Variants in CSE1L observed in about 807,000 individuals in gnomAD.
CSE1L encodes exportin-2.
Under a neutral mutation model 120.4 loss-of-function variants are expected in CSE1L, and 24 were observed. The observed-to-expected ratio is 0.20, with a 90% CI of 0.14 to 0.28. The LOEUF (loss-of-function observed/expected upper bound fraction) is 0.28, where lower values mean the gene tolerates loss of function less well. Among genes scored for constraint, CSE1L ranks in the 10% least tolerant of loss-of-function variants. The pLI is 1.00. For synonymous variants in CSE1L, 402 were observed against 398.3 expected (o/e 1.01, Z -0.11); for missense variants, 830 against 1,145.2 (o/e 0.72, Z 3.97).
intron 1 of CSE1L, among the ~76,000 whole-genome samples, chr20:49,047,591 T>TTTTTTTTTTTTTTTTTTTG (rs2091728999): frequency 8.7e-6 from 1 of 114,866 alleles, no homozygotes; most frequent in African/African-American, 3.3e-5. Flanking sequence ...TTTTTTTTTT[T>TTTTTTTTTTTTTTTTTTTG]TGAGAGAGAG....
chr20:49,089,198 G>A (rs764139786), intron 17 of CSE1L, 49 bp from the exon 18 acceptor site: 3 of 1,436,748 alleles, frequency 2.1e-6, no homozygotes, highest in Admixed American at 2.5e-5. Flanking sequence ...TTTTATAAAG[G>A]TTAGGTGTGG....
chr20:49,088,695 C>T (rs2092078470), intron 17 of CSE1L, among the ~76,000 whole-genome samples: 1 of 152,096 alleles, frequency 6.6e-6, no homozygotes, highest in Non-Finnish European at 1.5e-5. Context: ...GATTATTATT[C>T]AACTGAGTTA....
At chr20:49,068,100 A>G (rs1222466434) in intron 6 of CSE1L, among the ~76,000 whole-genome samples, 1 of 152,102 alleles carries the variant, frequency 6.6e-6, no homozygotes, top group Admixed American at 6.6e-5. Flanking sequence ...ATTGGAAACA[A>G]CCTAAATACC....
intron 1 of CSE1L, among the ~76,000 whole-genome samples, chr20:49,057,409 G>C (rs2091817091): frequency 6.7e-6 from 1 of 150,040 alleles, no homozygotes; most frequent in South Asian, 2.1e-4. Context: ...ACTTTATGTG[G>C]GATATTTATT....
At chr20:49,067,318 T>A in intron 6 of CSE1L, 38 bp downstream of exon 6, 3 of 1,320,452 alleles carry the variant, frequency 2.3e-6, no homozygotes, top group Non-Finnish European at 3.2e-6. Flanking sequence ...TAAATTAATA[T>A]TTTAAATTGC....
chr20:49,063,271 A>C lies in CSE1L; in HGVS notation c.155A>C (p.Lys52Thr). ...YPLLLLTLLE[K>T]SQDNVIKVCA... is the part of the protein sequence containing the mutation. ...CTGTTGCTTTTGACATTACTGGAGA[A>C]GTCCCAGGATAATGTTATCAAAGTA... Residue 52 changes from lysine (K) to threonine (T), a missense_variant, in exon 3 of 25, where the codon AAG (lysine) becomes ACG (threonine). Transcript: ENST00000262982. 1 of 1,589,964 alleles carries C rather than the reference A, an allele frequency of 6.3e-7. No individual in the cohort carries two copies.
chr20:49,082,493 T>G (rs1454597722), intron 14 of CSE1L, among the ~76,000 whole-genome samples: 2 of 152,046 alleles, frequency 1.3e-5, no homozygotes, highest in African/African-American at 4.8e-5. Context: ...ATGGGTTTCA[T>G]TTTTCTGTTT....
At chr20:49,058,755 A>G (rs898438998) in intron 2 of CSE1L, among the ~76,000 whole-genome samples, 3 of 152,194 alleles carry the variant, frequency 2.0e-5, no homozygotes, top group Admixed American at 6.5e-5. Context: ...TCTGGGATTA[A>G]AAAGTACTAG....
intron 12 of CSE1L, among the ~76,000 whole-genome samples, chr20:49,076,485 C>T (rs2091969101): frequency 6.8e-6 from 1 of 147,982 alleles, no homozygotes; most frequent in South Asian, 2.1e-4. Flanking sequence ...CATGCCTAGC[C>T]TAAGCAGTTC....
At chr20:49,056,751 T>C (rs937291346) in intron 1 of CSE1L, among the ~76,000 whole-genome samples, 1 of 152,106 alleles carries the variant, frequency 6.6e-6, no homozygotes, top group Admixed American at 6.6e-5. Flanking sequence ...CCATTTTTAA[T>C]GGACAAAATT....
intron 19 of CSE1L, 74 bp downstream of exon 19, chr20:49,089,820 T>A (rs932203455): frequency 4.3e-6 from 6 of 1,392,024 alleles, no homozygotes; most frequent in African/African-American, 1.5e-5. Context: ...ATGTTTGAAA[T>A]TTTTTTATTT....
intron 19 of CSE1L, 29 bp from the exon 20 acceptor site, chr20:49,090,713 A>G (rs549818565): frequency 2.6e-6 from 4 of 1,563,126 alleles, no homozygotes; most frequent in Admixed American, 3.4e-5. Flanking sequence ...CCTGTTAACC[A>G]TTTTCTGTTG....
At chr20:49,061,419 G>A (rs1156665671) in intron 2 of CSE1L, among the ~76,000 whole-genome samples, 3 of 151,518 alleles carry the variant, frequency 2.0e-5, no homozygotes, top group African/African-American at 4.8e-5. Flanking sequence ...TGATCCACCC[G>A]CCTCAGCCTC....
chr20:49,083,070 G>A (rs1459569056), intron 14 of CSE1L, among the ~76,000 whole-genome samples: 5 of 148,742 alleles, frequency 3.4e-5, no homozygotes, highest in African/African-American at 5.0e-5. Flanking sequence ...TGTTGCCCAC[G>A]CTGGAGTGCA....
chr20:49,052,280 C>T (rs1490245069), intron 1 of CSE1L, among the ~76,000 whole-genome samples: 1 of 152,148 alleles, frequency 6.6e-6, no homozygotes, highest in East Asian at 1.9e-4. Flanking sequence ...AGCATACAGA[C>T]GAAAGTCCCT....
chr20:49,078,645 C>G, intron 14 of CSE1L, 23 bp downstream of exon 14: 1 of 1,476,694 alleles, frequency 6.8e-7, no homozygotes, highest in Non-Finnish European at 9.3e-7. Flanking sequence ...TTATTTGTTA[C>G]ACGCCACTTA....
intron 9 of CSE1L, 28 bp downstream of exon 9, chr20:49,072,481 A>G: frequency 6.2e-7 from 1 of 1,610,270 alleles, no homozygotes; most frequent in Non-Finnish European, 8.5e-7. Flanking sequence ...ACAAATAATT[A>G]AAAGACATTC....
chr20:49,052,949 T>C (rs1176311329), intron 1 of CSE1L, among the ~76,000 whole-genome samples: 1 of 152,148 alleles, frequency 6.6e-6, no homozygotes, highest in African/African-American at 2.4e-5. Context: ...TTGAGAAATA[T>C]ACAAATGCTA....
intron 3 of CSE1L, 93 bp from the exon 4 acceptor site, chr20:49,066,099 T>C (rs2091890193): frequency 9.6e-7 from 1 of 1,045,802 alleles, no homozygotes; most frequent in Admixed American, 2.5e-5. Flanking sequence ...CTTAGAAAAT[T>C]AGTAAATAAA....
Sources: allele counts gnomAD v4.1 joint callset (sites outside exome capture counted in the v4.1 genomes callset), GRCh38; gene constraint gnomAD v4.1.1; transcripts MANE v1.5; gene names NCBI Gene and HGNC (gene_info 2026-07-23, HGNC 2026-07-21).